The following PAK5 variants were observed in gnomAD, a reference collection of about 807,000 sequenced individuals.
PAK5 encodes the protein serine/threonine-protein kinase PAK 5.
Under a neutral mutation model 65.9 loss-of-function variants are expected in PAK5, and 16 were observed. The ratio of observed to expected loss-of-function variants is 0.24; its 90% CI spans 0.16 to 0.37. The LOEUF is 0.37. Ranked by LOEUF, PAK5 falls within the 10% of genes least tolerant of loss-of-function variation. The pLI is 1.00. For synonymous variants in PAK5, 371 were observed against 354.9 expected, an observed-to-expected ratio of 1.05 and a Z score of -0.51; for missense variants, 785 against 903.9, an observed-to-expected ratio of 0.87 and a Z score of 1.69.
chr20:9,585,803 T>C (rs1224605109), intron 3 of PAK5, among the ~76,000 whole-genome samples: 3 of 152,184 alleles, frequency 2.0e-5, no homozygotes, highest in African/African-American at 4.8e-5. Context: ...CGGAAATTTG[T>C]AAATATGATA....
At chr20:9,638,461 G>C (rs1001798801) in intron 3 of PAK5, among the ~76,000 whole-genome samples, 7 of 152,190 alleles carry the variant, frequency 4.6e-5, no homozygotes, top group African/African-American at 1.7e-4. Flanking sequence ...ATCCCGGCTG[G>C]TGTAAACTCA....
At chr20:9,691,434 C>T (rs1312834654) in intron 2 of PAK5, among the ~76,000 whole-genome samples, 3 of 152,136 alleles carry the variant, frequency 2.0e-5, no homozygotes, top group Admixed American at 6.5e-5. Context: ...TAAGACTCTA[C>T]GGAAAGAAAA....
intron 3 of PAK5, among the ~76,000 whole-genome samples, chr20:9,640,559 TC>T (rs886694915): frequency 4.6e-5 from 7 of 152,182 alleles, no homozygotes; most frequent in Non-Finnish European, 1.0e-4. Context: ...TGTTTTATAA[TC>T]CTTTTGTGTC....
At chr20:9,781,172 G>T (rs2048936820) in intron 1 of PAK5, among the ~76,000 whole-genome samples, 1 of 152,120 alleles carries the variant, frequency 6.6e-6, no homozygotes, top group African/African-American at 2.4e-5. Flanking sequence ...CATCTAATGG[G>T]TTCCATCACT....
rs79710257 is a variant in PAK5, at chr20:9,656,566, T to C, written c.-11-12227A>G. 1.1e-3 allele frequency among the ~76,000 whole-genome samples: 161 copies of C among 152,288 alleles called. 1 individual carries two copies. The highest frequency in any genetic ancestry group is 3.7e-3 in the African/African-American group (152 of 41,574). On this transcript the variant is annotated intron_variant, in intron 2 of 9. Transcript: ENST00000353224. Reference sequence around the variant, plus strand: ...CAAGGTAGTGGTGTTTGAGACTTTATAGAGTAGAAGGGAGAAGAAAAACCA... The same window carrying C: ...CAAGGTAGTGGTGTTTGAGACTTTACAGAGTAGAAGGGAGAAGAAAAACCA...
chr20:9,731,719 T>C (rs984299523), intron 1 of PAK5, among the ~76,000 whole-genome samples: 5 of 152,258 alleles, frequency 3.3e-5, no homozygotes, highest in South Asian at 2.1e-4. Flanking sequence ...CTAAAGCAGA[T>C]ACTTTGCAGT....
intron 9 of PAK5, 98 bp from the exon 10 acceptor site, chr20:9,539,715 T>C (rs540338873): frequency 7.9e-5 from 73 of 926,626 alleles, no homozygotes; most frequent in South Asian, 5.3e-4. Context: ...AACTTCAAAT[T>C]CCAGAAAGTT....
chr20:9,683,443 A>T (rs910512215), intron 2 of PAK5, among the ~76,000 whole-genome samples: 6 of 152,234 alleles, frequency 3.9e-5, no homozygotes, highest in Non-Finnish European at 5.9e-5. Context: ...GAAGGTAAAT[A>T]CAACTCCTTA....
intron 3 of PAK5, among the ~76,000 whole-genome samples, chr20:9,597,496 G>C (rs1360570963): frequency 6.6e-6 from 1 of 152,170 alleles, no homozygotes; most frequent in Admixed American, 6.5e-5. Context: ...TTGGTGTCCT[G>C]ACACATTCTT....
At chr20:9,783,331 T>C (rs761579103) in intron 1 of PAK5, among the ~76,000 whole-genome samples, 3 of 152,194 alleles carry the variant, frequency 2.0e-5, no homozygotes, top group Non-Finnish European at 2.9e-5. Context: ...AACTAAAGTA[T>C]TGCTGCGTAT....
intron 1 of PAK5, among the ~76,000 whole-genome samples, chr20:9,817,615 G>T (rs1050771484): frequency 6.6e-6 from 1 of 152,128 alleles, no homozygotes; most frequent in African/African-American, 2.4e-5. Flanking sequence ...TCACATTTTG[G>T]ATGGAGTGAT....
At chr20:9,700,890 T>C (rs533026581) in intron 2 of PAK5, among the ~76,000 whole-genome samples, 1 of 152,286 alleles carries the variant, frequency 6.6e-6, no homozygotes, top group South Asian at 2.1e-4. Context: ...TTTGCATATT[T>C]TTGTTTTTTA....
intron 1 of PAK5, among the ~76,000 whole-genome samples, chr20:9,835,846 G>T (rs1979108898): frequency 6.6e-6 from 1 of 152,200 alleles, no homozygotes. Context: ...CATTTACCAG[G>T]TTAAGAAGGA....
intron 1 of PAK5, among the ~76,000 whole-genome samples, chr20:9,806,728 C>A (rs2049236966): frequency 6.6e-6 from 1 of 152,174 alleles, no homozygotes; most frequent in Non-Finnish European, 1.5e-5. Context: ...GAGAACCTAG[C>A]ATGACTGTGT....
chr20:9,835,837 A>G (rs1179011798), intron 1 of PAK5, among the ~76,000 whole-genome samples: 1 of 152,188 alleles, frequency 6.6e-6, no homozygotes, highest in Non-Finnish European at 1.5e-5. Context: ...TAGTGGTGCC[A>G]TTTACCAGGT....
intron 1 of PAK5, among the ~76,000 whole-genome samples, chr20:9,789,568 G>A (rs190499000): frequency 2.3e-4 from 35 of 152,192 alleles, no homozygotes; most frequent in African/African-American, 7.9e-4. Flanking sequence ...CAGTATTAGA[G>A]GCGACCTCAA....
At chr20:9,671,381 C>T (rs889412119) in intron 2 of PAK5, among the ~76,000 whole-genome samples, 44 of 152,096 alleles carry the variant, frequency 2.9e-4, no homozygotes, top group Non-Finnish European at 5.0e-4. Flanking sequence ...GCCATTTTCA[C>T]GATATTGATT....
chr20:9,611,652 T>C (rs1423887896), intron 3 of PAK5, among the ~76,000 whole-genome samples: 1 of 152,182 alleles, frequency 6.6e-6, no homozygotes, highest in Non-Finnish European at 1.5e-5. Flanking sequence ...CTTCAGCCTG[T>C]CTGTTTGTTT....
rs6140988 is a variant in PAK5, at chr20:9,636,356, G to A, written c.204+7769C>T. 1.3e-3 allele frequency among the ~76,000 whole-genome samples: 203 copies of A among 152,206 alleles called. 2 individuals carry two copies. In the East Asian group the frequency reaches 0.037, roughly 28 times the overall value. ...ACGATGGGAGAGAAAATAAAACAGT[G>A]GTCCTCAAGAATGGGATGGCCAGAC... On this transcript the variant is annotated intron_variant, in intron 3 of 9. Transcript: ENST00000353224.
Sources: allele counts gnomAD v4.1 joint callset (sites outside exome capture counted in the v4.1 genomes callset), GRCh38; gene constraint gnomAD v4.1.1; transcripts MANE v1.5; gene names NCBI Gene and HGNC (gene_info 2026-07-23, HGNC 2026-07-21).